Variants in FARS2 observed in about 807,000 individuals in gnomAD.
The protein encoded by FARS2 is phenylalanyl-tRNA synthetase 2, mitochondrial.
Under a neutral mutation model 46.4 loss-of-function variants are expected in FARS2, and 40 were observed. The observed-to-expected ratio is 0.86, with a 90% confidence interval of 0.67 to 1.12. The LOEUF is 1.12. FARS2 is among the 50% of genes most tolerant of loss of function. The pLI is 0.00. For missense variants in FARS2, 513 were observed against 567.9 expected, an observed-to-expected ratio of 0.90 and a Z score of 0.98; for synonymous variants, 234 against 214.9, an observed-to-expected ratio of 1.09 and a Z score of -0.78.
chr6:5,398,932 G>A (rs1468159549), intron 2 of FARS2, among the ~76,000 whole-genome samples: 1 of 151,964 alleles, frequency 6.6e-6, no homozygotes, highest in East Asian at 1.9e-4. Flanking sequence ...GCTAACTAGT[G>A]TACAATATTT....
chr6:5,603,769 C>A (rs1774674409), intron 5 of FARS2, among the ~76,000 whole-genome samples: 1 of 152,170 alleles, frequency 6.6e-6, no homozygotes, highest in African/African-American at 2.4e-5. Context: ...AATGTATTAC[C>A]TCCGTAAAGA....
intron 4 of FARS2, among the ~76,000 whole-genome samples, chr6:5,534,267 T>G (rs1383267882): frequency 1.3e-5 from 2 of 152,254 alleles, no homozygotes; most frequent in African/African-American, 2.4e-5. Context: ...TTTTATTTTT[T>G]TGTGATAAAA....
In FARS2 at chr6:5,569,285, G is replaced by A. The variant is rs1053719374; in HGVS notation, c.1065+23945G>A. Among the ~76,000 whole-genome samples the A allele has an allele frequency of 4.6e-5, 7 of 151,368 alleles. No individual in the cohort carries two copies. In the East Asian group the frequency reaches 1.4e-3, roughly 29 times the overall value. On this transcript the variant is annotated intron_variant, in intron 5 of 6. Coordinates refer to ENST00000274680, the MANE Select transcript of FARS2 (RefSeq NM_006567.5). ...AGGTTCTCACTCTGTTGCCCAGGCT[G>A]GAGTGCAGTGGCACAGTCATGGCTC...
At chr6:5,431,575 T>C (rs894260436) in intron 4 of FARS2, 11 of 494,020 alleles carry the variant, frequency 2.2e-5, no homozygotes, top group African/African-American at 2.0e-4. Context: ...TAGTATAGTG[T>C]CCCAAATTCA....
intron 6 of FARS2, among the ~76,000 whole-genome samples, chr6:5,699,727 G>A (rs545803682): frequency 6.6e-6 from 1 of 152,120 alleles, no homozygotes; most frequent in African/African-American, 2.4e-5. Flanking sequence ...CAGGCTGGTC[G>A]AGATTTCATA....
intron 3 of FARS2, among the ~76,000 whole-genome samples, chr6:5,419,558 A>G (rs1409723502): frequency 6.6e-6 from 1 of 152,122 alleles, no homozygotes; most frequent in Non-Finnish European, 1.5e-5. Flanking sequence ...GTGGATTTGC[A>G]GGTGATTCCA....
At chr6:5,714,399 C>T (rs888186194) in intron 6 of FARS2, among the ~76,000 whole-genome samples, 57 of 152,126 alleles carry the variant, frequency 3.7e-4, no homozygotes, top group African/African-American at 9.7e-4. Context: ...CCTTTGCTGT[C>T]CCCGCATGTA....
At chr6:5,719,964 A>G (rs561181060) in intron 6 of FARS2, among the ~76,000 whole-genome samples, 37 of 152,272 alleles carry the variant, frequency 2.4e-4, no homozygotes, top group East Asian at 2.1e-3. Flanking sequence ...CACCACGTCT[A>G]TTGTCTTCCA....
intron 5 of FARS2, among the ~76,000 whole-genome samples, chr6:5,580,239 G>A (rs1205351588): frequency 7.6e-5 from 11 of 144,886 alleles, no homozygotes; most frequent in Non-Finnish European, 1.0e-4. Context: ...ACAGTGACCC[G>A]AGAGCATGCC....
chr6:5,319,287 A>G (rs1433173208), intron 1 of FARS2, among the ~76,000 whole-genome samples: 2 of 152,200 alleles, frequency 1.3e-5, no homozygotes, highest in Non-Finnish European at 1.5e-5. Flanking sequence ...GAGTTGGGCA[A>G]GTGGGCTCCA....
At chr6:5,625,068 T>A (rs906233679) in intron 6 of FARS2, among the ~76,000 whole-genome samples, 1 of 152,198 alleles carries the variant, frequency 6.6e-6, no homozygotes, top group African/African-American at 2.4e-5. Context: ...CTCCCACAGT[T>A]AATGATATTG....
chr6:5,683,382 A>G (rs573708201), intron 6 of FARS2, among the ~76,000 whole-genome samples: 1 of 152,200 alleles, frequency 6.6e-6, no homozygotes, highest in African/African-American at 2.4e-5. Flanking sequence ...GGAAGAAGGA[A>G]TAGGTTTTAT....
chr6:5,365,988 A>G (rs997954788), intron 1 of FARS2, among the ~76,000 whole-genome samples: 2 of 152,072 alleles, frequency 1.3e-5, no homozygotes, highest in African/African-American at 4.8e-5. Context: ...TTGCCTTCTC[A>G]GGGGTGGCAG....
chr6:5,341,231 A>ATTTTTTTTT (rs1771611012), intron 1 of FARS2, among the ~76,000 whole-genome samples: 2 of 5,050 alleles, frequency 4.0e-4, no homozygotes, highest in African/African-American at 1.3e-3. Context: ...ATATATATAT[A>ATTTTTTTTT]TATATTTTTT....
At chr6:5,491,824 A>G (rs1327118242) in intron 4 of FARS2, among the ~76,000 whole-genome samples, 1 of 152,230 alleles carries the variant, frequency 6.6e-6, no homozygotes, top group Non-Finnish European at 1.5e-5. Flanking sequence ...ACATGTAAGT[A>G]TAAAGCACAA....
chr6:5,706,268 G>A (rs981935078), intron 6 of FARS2, among the ~76,000 whole-genome samples: 1 of 152,174 alleles, frequency 6.6e-6, no homozygotes, highest in Non-Finnish European at 1.5e-5. Flanking sequence ...TTCCTGCCAC[G>A]CAGCCTGCTT....
At chr6:5,710,725 T>C (rs941377387) in intron 6 of FARS2, among the ~76,000 whole-genome samples, 1 of 152,190 alleles carries the variant, frequency 6.6e-6, no homozygotes, top group Non-Finnish European at 1.5e-5. Flanking sequence ...GGGCTCTGGA[T>C]TTCCGGAGAG....
At chr6:5,617,020 T>A (rs1775511765) in intron 6 of FARS2, among the ~76,000 whole-genome samples, 1 of 151,964 alleles carries the variant, frequency 6.6e-6, no homozygotes, top group Admixed American at 6.6e-5. Flanking sequence ...TCAAGGGGAA[T>A]GCTGAATGGG....
intron 1 of FARS2, among the ~76,000 whole-genome samples, chr6:5,302,117 C>G (rs1768361308): frequency 6.6e-6 from 1 of 152,206 alleles, no homozygotes; most frequent in Non-Finnish European, 1.5e-5. Flanking sequence ...TGGAACACTT[C>G]TACTTCAGAA....
Sources: allele counts gnomAD v4.1 joint callset (sites outside exome capture counted in the v4.1 genomes callset), GRCh38; gene constraint gnomAD v4.1.1; transcripts MANE v1.5; gene names NCBI Gene and HGNC (gene_info 2026-07-23, HGNC 2026-07-21).